Variants in SLC8A1 observed in about 807,000 individuals in gnomAD.
SLC8A1 encodes the protein sodium/calcium exchanger 1.
SLC8A1 carries 18 observed loss-of-function variants against 68.3 expected under a neutral mutation model. The ratio of observed to expected loss-of-function variants is 0.26; its 90% CI spans 0.18 to 0.39. The LOEUF (loss-of-function observed/expected upper bound fraction) is 0.39. Among genes scored for constraint, SLC8A1 ranks in the 10% least tolerant of loss-of-function variants. The pLI, the probability that SLC8A1 is intolerant of heterozygous loss-of-function variation, is 1.00. For synonymous variants in SLC8A1, 475 were observed against 415.5 expected (o/e 1.14, Z -1.74); for missense variants, 985 against 1,156.7 (o/e 0.85, Z 2.15).
intron 2 of SLC8A1, among the ~76,000 whole-genome samples, chr2:40,396,967 T>C (rs375074066): frequency 6.6e-6 from 1 of 152,124 alleles, no homozygotes; most frequent in African/African-American, 2.4e-5. Flanking sequence ...TTTCAGGGTT[T>C]AAATCTGCAA....
chr2:40,380,813 C>T (rs1464187951), intron 2 of SLC8A1, among the ~76,000 whole-genome samples: 3 of 152,078 alleles, frequency 2.0e-5, no homozygotes, highest in South Asian at 4.1e-4. Flanking sequence ...TAGATCTGGC[C>T]TCCCTACTAA....
chr2:40,286,254 G>C (rs2068293656), intron 2 of SLC8A1, among the ~76,000 whole-genome samples: 1 of 152,088 alleles, frequency 6.6e-6, no homozygotes, highest in African/African-American at 2.4e-5. Context: ...TCACTATAGG[G>C]ATAACCCCAG....
intron 4 of SLC8A1, among the ~76,000 whole-genome samples, chr2:40,171,289 A>C (rs2047441490): frequency 6.6e-6 from 1 of 152,210 alleles, no homozygotes. Flanking sequence ...GCTTCCTTAA[A>C]AAGTCTTGTG....
At chr2:40,464,366 T>C (rs894191755) in intron 1 of SLC8A1, among the ~76,000 whole-genome samples, 5 of 152,182 alleles carry the variant, frequency 3.3e-5, no homozygotes, top group African/African-American at 9.7e-5. Flanking sequence ...CATTTCTACC[T>C]CTTTGTTTGC....
intron 2 of SLC8A1, among the ~76,000 whole-genome samples, chr2:40,186,684 C>A (rs2050762993): frequency 6.6e-6 from 1 of 152,060 alleles, no homozygotes; most frequent in Non-Finnish European, 1.5e-5. Context: ...GAGAATTAAT[C>A]CAGAAGTCAA....
chr2:40,196,924 A>T (rs1248022781), intron 2 of SLC8A1, among the ~76,000 whole-genome samples: 2 of 152,058 alleles, frequency 1.3e-5, no homozygotes, highest in Non-Finnish European at 2.9e-5. Flanking sequence ...GATTAGTGGT[A>T]AAAGTCCATT....
chr2:40,428,632 C>T (rs778624303), exon 2 of SLC8A1: 1 of 1,613,892 alleles, frequency 6.2e-7, no homozygotes, highest in Non-Finnish European at 8.5e-7. Flanking sequence ...AATGCTCTCA[C>T]TCACATGAGT....
chr2:40,458,177 T>C (rs1703134917), intron 1 of SLC8A1, among the ~76,000 whole-genome samples: 1 of 152,208 alleles, frequency 6.6e-6, no homozygotes, highest in African/African-American at 2.4e-5. Context: ...TCAGTTTCTT[T>C]TCTGCTGCTC....
chr2:40,214,753 T>G (rs919714438), intron 2 of SLC8A1, among the ~76,000 whole-genome samples: 1 of 152,184 alleles, frequency 6.6e-6, no homozygotes, highest in Admixed American at 6.5e-5. Flanking sequence ...GTTTGTATAT[T>G]ATCTTAACTC....
At chr2:40,401,635 C>G (rs1688786983) in intron 2 of SLC8A1, among the ~76,000 whole-genome samples, 1 of 83,428 alleles carries the variant, frequency 1.2e-5, no homozygotes, top group Non-Finnish European at 2.4e-5. Context: ...TATTTTTTGT[C>G]ACATTAAGTG....
intron 2 of SLC8A1, among the ~76,000 whole-genome samples, chr2:40,416,054 TAAAAAAAA>T (rs779668065): frequency 1.7e-5 from 2 of 116,248 alleles, no homozygotes; most frequent in African/African-American, 6.5e-5. Flanking sequence ...GGCTCTGTTT[TAAAAAAAA>T]AAAAAAAAAA....
intron 2 of SLC8A1, among the ~76,000 whole-genome samples, chr2:40,244,241 C>T (rs1221462964): frequency 1.3e-5 from 2 of 152,098 alleles, no homozygotes; most frequent in African/African-American, 4.8e-5. Flanking sequence ...GTGGGAGATA[C>T]ATTAGGAAAG....
chr2:40,275,689 C>T lies in SLC8A1; in HGVS notation c.1809-97834G>A, dbSNP rs556466638. The stretch of plus-strand genomic sequence containing the variant: ...ATGAAGGTCATTTAAAAATGATCCT[C>T]GTCCTGTCTACCTGGCAGAGCTGTT... On this transcript the variant is annotated intron_variant, in intron 2 of 7. Coordinates refer to ENST00000406785, the Ensembl canonical transcript of SLC8A1. Among the ~76,000 whole-genome samples, 37 of 152,280 alleles carry T rather than the reference C, an allele frequency of 2.4e-4. 1 individual carries two copies. The South Asian group carries it at 5.2e-3, about 21-fold the overall frequency.
At chr2:40,332,214 A>T (rs2076488440) in intron 2 of SLC8A1, among the ~76,000 whole-genome samples, 1 of 152,160 alleles carries the variant, frequency 6.6e-6, no homozygotes, top group African/African-American at 2.4e-5. Context: ...TCTAAATGTC[A>T]CAGGCTAGGT....
intron 2 of SLC8A1, among the ~76,000 whole-genome samples, chr2:40,373,025 C>G (rs1365634175): frequency 5.3e-5 from 7 of 130,948 alleles, no homozygotes; most frequent in Non-Finnish European, 1.1e-4. Flanking sequence ...ACCCAACCAA[C>G]TTAAGGGGGA....
intron 1 of SLC8A1, among the ~76,000 whole-genome samples, chr2:40,460,737 G>A (rs1703293966): frequency 6.6e-6 from 1 of 151,918 alleles, no homozygotes; most frequent in Admixed American, 6.6e-5. Context: ...ATGCCCAGCT[G>A]ATTTTTTATA....
chr2:40,267,634 A>G (rs997882000), intron 2 of SLC8A1, among the ~76,000 whole-genome samples: 6 of 152,240 alleles, frequency 3.9e-5, no homozygotes, highest in African/African-American at 1.4e-4. Context: ...GAATGAATGA[A>G]TGAATGGGAA....
At chr2:40,209,073 TTGAGA>T (rs1198954282) in intron 2 of SLC8A1, 6 of 152,140 alleles carry the variant, frequency 3.9e-5, no homozygotes, top group Admixed American at 6.6e-5. Flanking sequence ...TGTCCTGTCC[TTGAGA>T]TGAGACAGGT....
intron 2 of SLC8A1, among the ~76,000 whole-genome samples, chr2:40,222,818 A>T (rs1177813675): frequency 2.6e-5 from 4 of 152,256 alleles, no homozygotes; most frequent in African/African-American, 9.6e-5. Flanking sequence ...CCACAATGAG[A>T]TACCATCTCA....
Sources: allele counts gnomAD v4.1 joint callset (sites outside exome capture counted in the v4.1 genomes callset), GRCh38; gene constraint gnomAD v4.1.1; transcripts MANE v1.5; gene names NCBI Gene and HGNC (gene_info 2026-07-23, HGNC 2026-07-21).